Variants in ADGRL3 observed in about 807,000 individuals in gnomAD.
The protein encoded by ADGRL3 is calcium-independent alpha-latrotoxin receptor 3.
In ADGRL3, 62 loss-of-function variants were observed where a neutral mutation model predicts 153.5. That is an observed-to-expected ratio of 0.40 (90% CI 0.33 to 0.50). The LOEUF is 0.50. Among genes scored for constraint, ADGRL3 ranks in the 20% least tolerant of loss-of-function variants. The pLI is 0.47. For synonymous variants in ADGRL3, 710 were observed against 672.5 expected, an observed-to-expected ratio of 1.06 and a Z score of -0.86; for missense variants, 1,641 against 1,859.4, an observed-to-expected ratio of 0.88 and a Z score of 2.16.
intron 6 of ADGRL3, among the ~76,000 whole-genome samples, chr4:61,723,650 A>G (rs1035466654): frequency 1.3e-5 from 2 of 152,106 alleles, no homozygotes; most frequent in African/African-American, 4.8e-5. Flanking sequence ...TGTCTTGCAC[A>G]GGTGGTGTTA....
intron 9 of ADGRL3, 101 bp from the exon 10 acceptor site, chr4:61,892,555 C>A: frequency 2.4e-6 from 2 of 844,102 alleles, no homozygotes; most frequent in South Asian, 3.3e-5. Flanking sequence ...CTTTAAAGCT[C>A]TTTGAACTGT....
chr4:61,948,316 T>G (rs1437103585), intron 17 of ADGRL3, 40 bp downstream of exon 17: 1 of 1,499,342 alleles, frequency 6.7e-7, no homozygotes, highest in Non-Finnish European at 9.2e-7. Flanking sequence ...TTTAGTATAT[T>G]ATATGGTCAC....
intron 15 of ADGRL3, among the ~76,000 whole-genome samples, chr4:61,937,355 T>C (rs1581542696): frequency 6.6e-6 from 1 of 152,154 alleles, no homozygotes; most frequent in South Asian, 2.1e-4. Flanking sequence ...ATCTTGATTC[T>C]GGTTCTTGAA....
intron 21 of ADGRL3, among the ~76,000 whole-genome samples, chr4:62,008,726 CAT>C (rs1491279168): frequency 2.0e-5 from 3 of 150,928 alleles, no homozygotes; most frequent in Non-Finnish European, 4.4e-5. Flanking sequence ...TGTATATATG[CAT>C]GTGTGTGTAT....
intron 6 of ADGRL3, among the ~76,000 whole-genome samples, chr4:61,678,541 CT>C (rs1292787660): frequency 6.6e-6 from 1 of 151,962 alleles, no homozygotes; most frequent in Non-Finnish European, 1.5e-5. Flanking sequence ...TAAATAAGAA[CT>C]TGCTCATACA....
chr4:61,650,603 A>G (rs1200206497), intron 5 of ADGRL3, among the ~76,000 whole-genome samples: 1 of 152,078 alleles, frequency 6.6e-6, no homozygotes, highest in Non-Finnish European at 1.5e-5. Flanking sequence ...TTCTTTAAAT[A>G]TATTTTCTGG....
chr4:61,857,472 A>C (rs2098287936), intron 9 of ADGRL3, among the ~76,000 whole-genome samples: 1 of 152,152 alleles, frequency 6.6e-6, no homozygotes, highest in Admixed American at 6.5e-5. Context: ...AACCACTGCT[A>C]GTTTTCTCCA....
intron 2 of ADGRL3, among the ~76,000 whole-genome samples, chr4:61,417,048 T>C (rs1578735699): frequency 6.6e-6 from 1 of 151,988 alleles, no homozygotes; most frequent in East Asian, 1.9e-4. Flanking sequence ...CATGCTCCTG[T>C]GAGAATCTAA....
chr4:61,844,409 T>C (rs1042894330), intron 9 of ADGRL3, among the ~76,000 whole-genome samples: 1 of 150,330 alleles, frequency 6.7e-6, no homozygotes, highest in African/African-American at 2.5e-5. Context: ...TAGCTAGGCA[T>C]GGTGGTGGAC....
At chr4:61,949,013 C>T (rs1267871582) in intron 17 of ADGRL3, among the ~76,000 whole-genome samples, 1 of 145,992 alleles carries the variant, frequency 6.8e-6, no homozygotes, top group African/African-American at 2.5e-5. Flanking sequence ...GGTCAGGAAA[C>T]TCAGAAAAAA....
At chr4:61,751,345 A>G (rs1282247479) in intron 8 of ADGRL3, among the ~76,000 whole-genome samples, 2 of 152,142 alleles carry the variant, frequency 1.3e-5, no homozygotes, top group South Asian at 2.1e-4. Flanking sequence ...AAAATCCATA[A>G]TAAGTTATTA....
intron 12 of ADGRL3, among the ~76,000 whole-genome samples, chr4:61,911,724 T>G (rs1267930079): frequency 1.3e-5 from 2 of 152,118 alleles, no homozygotes; most frequent in African/African-American, 4.8e-5. Flanking sequence ...TGCTCTATGC[T>G]CATTGAAGAA....
intron 2 of ADGRL3, among the ~76,000 whole-genome samples, chr4:61,429,640 T>A (rs2097331418): frequency 6.6e-6 from 1 of 152,106 alleles, no homozygotes; most frequent in Non-Finnish European, 1.5e-5. Flanking sequence ...TGTACATAAT[T>A]GTAAAAGGTC....
At chr4:61,456,469 ATC>A (rs1225686283) in intron 2 of ADGRL3, among the ~76,000 whole-genome samples, 4 of 133,254 alleles carry the variant, frequency 3.0e-5, no homozygotes, top group Non-Finnish European at 6.3e-5. Context: ...ATATAGATAT[ATC>A]TATATCTATA....
chr4:61,430,086 G>C (rs553448743), intron 2 of ADGRL3, among the ~76,000 whole-genome samples: 1 of 152,126 alleles, frequency 6.6e-6, no homozygotes, highest in South Asian at 2.1e-4. Flanking sequence ...ACTCTACATC[G>C]ACAATGAGAT....
intron 2 of ADGRL3, among the ~76,000 whole-genome samples, chr4:61,446,076 A>G (rs1052120140): frequency 6.6e-6 from 1 of 152,136 alleles, no homozygotes; most frequent in African/African-American, 2.4e-5. Flanking sequence ...TGTCGGCACA[A>G]TGACAAAATC....
intron 1 of ADGRL3, among the ~76,000 whole-genome samples, chr4:61,370,558 C>T (rs1239800879): frequency 5.3e-5 from 8 of 152,126 alleles, no homozygotes; most frequent in Non-Finnish European, 1.0e-4. Context: ...GGTTCTTAAT[C>T]CTGAGTTCTA....
At chr4:61,393,729 T>C in intron 2 of ADGRL3, among the ~76,000 whole-genome samples, 1 of 152,174 alleles carries the variant, frequency 6.6e-6, no homozygotes, top group Non-Finnish European at 1.5e-5. Flanking sequence ...GTACCATCTT[T>C]CAAATGCTAA....
intron 21 of ADGRL3, among the ~76,000 whole-genome samples, chr4:62,017,321 T>TA (rs1313234650): frequency 6.8e-6 from 1 of 147,616 alleles, no homozygotes; most frequent in African/African-American, 2.5e-5. Context: ...AATTTTTTTT[T>TA]AAAAAATGAA....
Sources: allele counts gnomAD v4.1 joint callset (sites outside exome capture counted in the v4.1 genomes callset), GRCh38; gene constraint gnomAD v4.1.1; transcripts MANE v1.5; gene names NCBI Gene and HGNC (gene_info 2026-07-23, HGNC 2026-07-21).